The following ATG10 variants were observed in gnomAD, a reference collection of about 807,000 sequenced individuals.
ATG10 encodes the protein ubiquitin-like-conjugating enzyme ATG10.
A neutral mutation model predicts 32.1 loss-of-function variants in ATG10; 30 were observed. That is an observed-to-expected ratio of 0.94 (90% CI 0.70 to 1.27). The LOEUF (loss-of-function observed/expected upper bound fraction) is 1.27. ATG10 is among the 50% of genes most tolerant of loss of function. ATG10 has a pLI of 0.00. For synonymous variants in ATG10, 87 were observed against 91.5 expected, an observed-to-expected ratio of 0.95 and a Z score of 0.28; for missense variants, 233 against 262.3, an observed-to-expected ratio of 0.89 and a Z score of 0.77.
intron 5 of ATG10, among the ~76,000 whole-genome samples, chr5:82,203,193 A>C (rs1382506855): frequency 2.6e-5 from 4 of 151,350 alleles, no homozygotes; most frequent in African/African-American, 9.7e-5. Flanking sequence ...GCACCACTGC[A>C]CTCCAGTCTG....
intron 1 of ATG10, among the ~76,000 whole-genome samples, chr5:81,976,005 CTTTTT>C (rs568050352): frequency 7.0e-6 from 1 of 142,948 alleles, no homozygotes; most frequent in African/African-American, 2.6e-5. Flanking sequence ...TTTATTTTAT[CTTTTT>C]TTTTTTTTGA....
chr5:82,149,738 T>G (rs558184243), intron 3 of ATG10, among the ~76,000 whole-genome samples: 1 of 152,238 alleles, frequency 6.6e-6, no homozygotes, highest in South Asian at 2.1e-4. Context: ...TTCCTTCTAT[T>G]CTCAGAGAAA....
intron 3 of ATG10, among the ~76,000 whole-genome samples, chr5:82,142,206 C>G (rs923552670): frequency 6.6e-6 from 1 of 152,146 alleles, no homozygotes; most frequent in Non-Finnish European, 1.5e-5. Flanking sequence ...AGCTTGTTTC[C>G]TCAAGCCAAC....
rs1581661258 is a variant in ATG10 at position 82,074,205 on chromosome 5, A to G, written c.216+15603A>G. Among the ~76,000 whole-genome samples, 3 of 152,208 alleles carry G rather than the reference A, an allele frequency of 2.0e-5. No homozygotes were observed. The East Asian group carries it at 5.8e-4, about 29-fold the overall frequency. On this transcript the variant is annotated intron_variant, in intron 3 of 7. Transcript: ENST00000282185. Reference sequence around the variant, plus strand: ...CTGGAAAATGAACACGAAGACAACTAATTACCCTTTTGTATAAAATTTCTG... The same window carrying G: ...CTGGAAAATGAACACGAAGACAACTGATTACCCTTTTGTATAAAATTTCTG...
intron 5 of ATG10, among the ~76,000 whole-genome samples, chr5:82,186,825 G>C (rs1043479093): frequency 1.8e-4 from 28 of 152,006 alleles, no homozygotes; most frequent in Admixed American, 1.2e-3. Context: ...TGAGTGATCC[G>C]CCAGCCTTGG....
intron 3 of ATG10, among the ~76,000 whole-genome samples, chr5:82,153,068 C>G (rs555937407): frequency 1.3e-5 from 2 of 152,330 alleles, no homozygotes; most frequent in East Asian, 3.9e-4. Context: ...AGAAGCCTTT[C>G]CAAGTCTGCC....
rs570473316 is a variant in ATG10 at position 82,027,854 on chromosome 5, A to C, written c.109-30641A>C. Among the ~76,000 whole-genome samples, 4 of 152,316 alleles carry C rather than the reference A, an allele frequency of 2.6e-5. No individual in the cohort carries two copies. In the South Asian group the frequency reaches 8.3e-4, roughly 32 times the overall value. ...TCCTCAGCCTAAATGCCTTACTGGCAAGGAAAAGTTACGAGTTGAAGACAA... is the reference window on the plus strand; with the variant it reads ...TCCTCAGCCTAAATGCCTTACTGGCCAGGAAAAGTTACGAGTTGAAGACAA... On this transcript the variant is annotated intron_variant, in intron 2 of 7. Transcript: ENST00000282185.
chr5:82,216,200 A>G (rs953255807), intron 5 of ATG10, among the ~76,000 whole-genome samples: 8 of 152,216 alleles, frequency 5.3e-5, no homozygotes, highest in Non-Finnish European at 1.0e-4. Context: ...TAGATCCTAG[A>G]TATGTCCCCA....
intron 5 of ATG10, among the ~76,000 whole-genome samples, chr5:82,216,352 A>G (rs1745679446): frequency 2.0e-5 from 3 of 152,152 alleles, no homozygotes; most frequent in African/African-American, 7.2e-5. Context: ...TAAATCTTCT[A>G]CCCTCTTATT....
At chr5:82,139,667 G>A (rs1382534709) in intron 3 of ATG10, among the ~76,000 whole-genome samples, 1 of 146,360 alleles carries the variant, frequency 6.8e-6, no homozygotes, top group East Asian at 2.1e-4. Context: ...TCTGGGAAGT[G>A]AGGAGCGTCT....
chr5:82,007,053 C>T (rs1762004216), intron 2 of ATG10, among the ~76,000 whole-genome samples: 1 of 152,086 alleles, frequency 6.6e-6, no homozygotes, highest in Non-Finnish European at 1.5e-5. Context: ...GGGGTTTTAC[C>T]ATGTTGGCCA....
intron 2 of ATG10, among the ~76,000 whole-genome samples, chr5:82,015,446 C>T (rs1035542605): frequency 1.1e-4 from 17 of 152,274 alleles, no homozygotes; most frequent in Admixed American, 2.6e-4. Context: ...CCATTCTCCC[C>T]GTCACTTTCA....
At chr5:82,100,075 C>T (rs1489591660) in intron 3 of ATG10, among the ~76,000 whole-genome samples, 7 of 113,984 alleles carry the variant, frequency 6.1e-5, no homozygotes, top group African/African-American at 2.4e-4. Context: ...GTGGTGTGAT[C>T]TCGGCTTACT....
chr5:82,004,052 G>C (rs1761921712), intron 2 of ATG10, among the ~76,000 whole-genome samples: 1 of 152,132 alleles, frequency 6.6e-6, no homozygotes, highest in Admixed American at 6.5e-5. Flanking sequence ...AGAATCACTT[G>C]AAGCCGGGAG....
intron 3 of ATG10, among the ~76,000 whole-genome samples, chr5:82,086,687 A>C (rs866319680): frequency 1.3e-5 from 2 of 152,184 alleles, no homozygotes; most frequent in Non-Finnish European, 2.9e-5. Flanking sequence ...GGTCAAAGTG[A>C]GTCTCAGGAC....
At chr5:82,250,242 C>G (rs1348869019) in intron 5 of ATG10, among the ~76,000 whole-genome samples, 2 of 152,070 alleles carry the variant, frequency 1.3e-5, no homozygotes, top group Non-Finnish European at 2.9e-5. Context: ...GGTCATCTGC[C>G]CCCACATTCT....
chr5:82,141,650 TA>T (rs377307726), intron 3 of ATG10, among the ~76,000 whole-genome samples: 24 of 150,000 alleles, frequency 1.6e-4, no homozygotes, highest in East Asian at 1.9e-4. Flanking sequence ...TTACTTTAGA[TA>T]AAAAAAAAAG....
intron 3 of ATG10, among the ~76,000 whole-genome samples, chr5:82,098,173 A>G (rs571263073): frequency 5.9e-4 from 90 of 152,332 alleles, no homozygotes; most frequent in Non-Finnish European, 1.2e-3. Flanking sequence ...ATTTTGATAC[A>G]TAGGAATGAA....
At chr5:82,054,723 C>T (rs369183605) in intron 2 of ATG10, among the ~76,000 whole-genome samples, 1 of 152,054 alleles carries the variant, frequency 6.6e-6, no homozygotes, top group African/African-American at 2.4e-5. Flanking sequence ...CATGCTTGTC[C>T]AGGATGTTTT....
Sources: allele counts gnomAD v4.1 joint callset (sites outside exome capture counted in the v4.1 genomes callset), GRCh38; gene constraint gnomAD v4.1.1; transcripts MANE v1.5; gene names NCBI Gene and HGNC (gene_info 2026-07-23, HGNC 2026-07-21).